Variants in CELF2 observed in about 807,000 individuals in gnomAD.
CELF2 encodes CUGBP Elav-like family member 2, also known as CUG triplet repeat RNA-binding protein 2.
A neutral mutation model predicts 62.6 loss-of-function variants in CELF2; 8 were observed. The observed-to-expected ratio is 0.13, with a 90% CI of 0.07 to 0.23. The LOEUF is 0.23. Among genes scored for constraint, CELF2 ranks in the 10% least tolerant of loss-of-function variants. The pLI is 1.00. For missense variants in CELF2, 333 were observed against 671.0 expected (o/e 0.50, Z 5.56); for synonymous variants, 258 against 250.0 (o/e 1.03, Z -0.30).
intron 1 of CELF2, among the ~76,000 whole-genome samples, chr10:10,830,656 C>T (rs930695374): frequency 1.3e-5 from 2 of 151,674 alleles, no homozygotes; most frequent in Non-Finnish European, 2.9e-5. Context: ...AGAAGTCAGT[C>T]AAAAACAAGC....
At chr10:10,676,444 C>T in the CELF2 span, among the ~76,000 whole-genome samples, 3 of 152,196 alleles carry the variant, frequency 2.0e-5, no homozygotes, top group Non-Finnish European at 1.5e-5. Flanking sequence ...ACAGAGTGAT[C>T]TGGTGTGTTT....
intron 2 of CELF2, among the ~76,000 whole-genome samples, chr10:11,213,954 C>A (rs923170600): frequency 6.6e-6 from 1 of 152,116 alleles, no homozygotes; most frequent in African/African-American, 2.4e-5. Flanking sequence ...CACCTAGTTT[C>A]GTGGGGGGAT....
chr10:10,743,832 T>C, the CELF2 span, among the ~76,000 whole-genome samples: 1 of 152,134 alleles, frequency 6.6e-6, no homozygotes, highest in Non-Finnish European at 1.5e-5. Context: ...CTAAACAAAA[T>C]AGAAATCCAA....
At chr10:10,556,482 G>T in the CELF2 span, among the ~76,000 whole-genome samples, 1 of 152,108 alleles carries the variant, frequency 6.6e-6, no homozygotes, top group Non-Finnish European at 1.5e-5. Context: ...GAATAATGCC[G>T]CAATAAACAT....
chr10:11,240,840 C>A (rs1160412462), intron 3 of CELF2, among the ~76,000 whole-genome samples: 1 of 152,160 alleles, frequency 6.6e-6, no homozygotes, highest in African/African-American at 2.4e-5. Flanking sequence ...GTTACAGATT[C>A]TTAGAAACCC....
chr10:11,070,510 C>A (rs2069569190), intron 1 of CELF2, among the ~76,000 whole-genome samples: 1 of 152,168 alleles, frequency 6.6e-6, no homozygotes, highest in South Asian at 2.1e-4. Context: ...CTTGTGCATA[C>A]AGGACTGGGC....
At chr10:10,692,235 A>T in the CELF2 span, among the ~76,000 whole-genome samples, 1 of 150,420 alleles carries the variant, frequency 6.6e-6, no homozygotes, top group African/African-American at 2.4e-5. Context: ...ATGGCTAGCC[A>T]GTTTTCCCAG....
the CELF2 span, among the ~76,000 whole-genome samples, chr10:10,549,441 G>A: frequency 3.2e-4 from 48 of 152,212 alleles, no homozygotes; most frequent in South Asian, 7.9e-3. Context: ...CCACCACCAC[G>A]CCTGGATAAT....
At chr10:10,988,593 A>T (rs544424819) in intron 2 of CELF2, among the ~76,000 whole-genome samples, 2 of 152,212 alleles carry the variant, frequency 1.3e-5, no homozygotes, top group African/African-American at 4.8e-5. Context: ...AGTGCACTCA[A>T]ATCTCAGAAA....
the CELF2 span, among the ~76,000 whole-genome samples, chr10:10,528,960 A>G: frequency 2.0e-5 from 3 of 152,238 alleles, no homozygotes; most frequent in Non-Finnish European, 2.9e-5. Flanking sequence ...CTATGTAAAA[A>G]GCAGCTCTTA....
chr10:10,748,513 C>A, the CELF2 span, among the ~76,000 whole-genome samples: 1 of 151,926 alleles, frequency 6.6e-6, no homozygotes, highest in African/African-American at 2.4e-5. Context: ...CTTTGGGAGG[C>A]TAAGGTGGGC....
chr10:10,905,884 GAAAAAA>G, intron 1 of CELF2, among the ~76,000 whole-genome samples: 1 of 99,812 alleles, frequency 1.0e-5, no homozygotes, highest in African/African-American at 3.5e-5. Flanking sequence ...TCTCAAAAAA[GAAAAAA>G]AAAAAAAGAA....
At chr10:10,495,340 A>T in the CELF2 span, among the ~76,000 whole-genome samples, 2 of 152,232 alleles carry the variant, frequency 1.3e-5, no homozygotes, top group African/African-American at 4.8e-5. Context: ...TGTATGGAAC[A>T]TTAAACAGCT....
intron 1 of CELF2, among the ~76,000 whole-genome samples, chr10:10,816,117 A>C (rs2056442665): frequency 6.6e-6 from 1 of 152,186 alleles, no homozygotes; most frequent in African/African-American, 2.4e-5. Context: ...TAAAAGTATA[A>C]ATCACATCTT....
rs200045246 is a variant in CELF2, at chr10:11,318,947, G to A, written c.1097-2242G>A. On this transcript the variant is annotated intron_variant, in intron 10 of 12. Transcript: ENST00000633077. This position sits in a 1 kb window ranked among gnomAD's most constrained non-coding sequence, Gnocchi z 5.4. The stretch of plus-strand genomic sequence containing the variant: ...GCAGCAGACAAGGCATCATGGTGGT[G>A]CGATGCTGCCCACCCCTCCATGGGA... The A allele has an allele frequency of 2.8e-5, 13 of 471,046 alleles. No homozygotes were observed. Among genetic ancestry groups the A allele is most frequent in the Non-Finnish European group, 4.8e-5 (11 of 227,058 alleles). The allele number at this position is 471,046 out of a possible 1,614,324, so 29.2% of individuals were successfully genotyped here. A position where few individuals can be genotyped will look rare whatever the true frequency, so the allele number is the denominator to read the frequency against.
the CELF2 span, among the ~76,000 whole-genome samples, chr10:10,787,287 T>G: frequency 6.6e-6 from 1 of 152,158 alleles, no homozygotes; most frequent in Non-Finnish European, 1.5e-5. Context: ...TTTTTGCAAA[T>G]GAATTATAAT....
the CELF2 span, among the ~76,000 whole-genome samples, chr10:10,592,452 G>A: frequency 6.6e-6 from 1 of 152,100 alleles, no homozygotes; most frequent in Non-Finnish European, 1.5e-5. Context: ...TCCTTTCTGT[G>A]GGTTTCATTT....
the CELF2 span, among the ~76,000 whole-genome samples, chr10:10,699,140 A>C: frequency 3.9e-5 from 6 of 152,204 alleles, no homozygotes; most frequent in African/African-American, 1.4e-4. Context: ...CAAGTAAAAC[A>C]GTAGATGTAA....
the CELF2 span, among the ~76,000 whole-genome samples, chr10:10,714,364 G>A: frequency 6.6e-6 from 1 of 152,154 alleles, no homozygotes; most frequent in African/African-American, 2.4e-5. Flanking sequence ...GCAATTACTA[G>A]TATTGACCTG....
Sources: gnomAD v4.1 joint callset for allele counts (sites outside exome capture counted in the v4.1 genomes callset) on GRCh38, gnomAD v4.1.1 for gene constraint, Gnocchi (gnomAD v3.1) non-coding constraint, MANE v1.5 for transcripts, NCBI Gene and HGNC (gene_info 2026-07-23, HGNC 2026-07-21) for gene names.